Variants in ABCC11 observed in about 807,000 individuals in gnomAD.
The protein encoded by ABCC11 is ATP binding cassette subfamily C member 11.
A neutral mutation model predicts 149.3 loss-of-function variants in ABCC11; 135 were observed. The ratio of observed to expected loss-of-function variants is 0.90; its 90% CI spans 0.79 to 1.04. The LOEUF is 1.04. Ranked by LOEUF, ABCC11 falls within the 50% of genes least tolerant of loss-of-function variation. The pLI is 0.00. For synonymous variants in ABCC11, 665 were observed against 671.4 expected, an observed-to-expected ratio of 0.99 and a Z score of 0.15; for missense variants, 1,680 against 1,722.1, an observed-to-expected ratio of 0.98 and a Z score of 0.43.
intron 11 of ABCC11, chr16:48,209,845 T>A (rs1968768144): frequency 1.3e-5 from 2 of 152,168 alleles, no homozygotes; most frequent in Admixed American, 6.5e-5. Context: ...AAATAAAAAA[T>A]ATATATTAAT....
intron 28 of ABCC11, 25 bp from the exon 29 acceptor site, chr16:48,167,685 A>G (rs775365364): frequency 6.2e-7 from 1 of 1,613,216 alleles, no homozygotes; most frequent in East Asian, 2.2e-5. Flanking sequence ...ACAGGGGTGA[A>G]GGTGTCTACT....
chr16:48,228,633 A>G (rs1468138738), intron 3 of ABCC11, among the ~76,000 whole-genome samples: 3 of 152,114 alleles, frequency 2.0e-5, no homozygotes, highest in Admixed American at 2.0e-4. Context: ...TTTCACTTAT[A>G]TAAAAAAGGA....
At position 48,175,161 on chromosome 16, in the gene ABCC11, C is replaced by G. The variant is rs1157960853; in HGVS notation, c.3698+97G>C. 2.1e-6 allele frequency: 3 copies of G among 1,455,288 alleles called. No homozygotes were observed. In the South Asian group the frequency reaches 4.3e-5, roughly 21 times the overall value. 90.1% of individuals were successfully genotyped at this position (1,455,288 alleles called of 1,614,324 possible). On this transcript the variant is annotated intron_variant, in intron 26 of 29. Coordinates refer to ENST00000356608, the MANE Select transcript of ABCC11 (RefSeq NM_001370497.1). ...CAGCAGGCCAAGGAGGCCTGGAAATCGGGGCATTGGTCACCAGCTCACTAT... is the reference window on the plus strand; with the variant it reads ...CAGCAGGCCAAGGAGGCCTGGAAATGGGGGCATTGGTCACCAGCTCACTAT...
chr16:48,233,500 G>C (rs1004189848), intron 1 of ABCC11, among the ~76,000 whole-genome samples: 4 of 152,192 alleles, frequency 2.6e-5, no homozygotes, highest in Non-Finnish European at 4.4e-5. Flanking sequence ...AGAAGGAGGT[G>C]TATTAGATAA....
chr16:48,227,330 C>T (rs113855339), intron 4 of ABCC11, among the ~76,000 whole-genome samples: 20,020 of 151,674 alleles, frequency 0.13, 1,661 homozygotes, highest in African/African-American at 0.24. Context: ...AAAAATTAGC[C>T]GGACGTGGTG....
chr16:48,208,967 C>T (rs1167122939), intron 11 of ABCC11, among the ~76,000 whole-genome samples: 1 of 152,088 alleles, frequency 6.6e-6, no homozygotes, highest in Non-Finnish European at 1.5e-5. Context: ...AAGAAAAGAC[C>T]TCACATTGAG....
intron 14 of ABCC11, among the ~76,000 whole-genome samples, chr16:48,202,416 G>A (rs187997190): frequency 6.6e-6 from 1 of 152,216 alleles, no homozygotes; most frequent in East Asian, 1.9e-4. Flanking sequence ...TTTGAGACTA[G>A]CTTGGCTAAC....
At chr16:48,243,102 TAA>T (rs56708623) in intron 1 of ABCC11, among the ~76,000 whole-genome samples, 3 of 142,984 alleles carry the variant, frequency 2.1e-5, no homozygotes, top group African/African-American at 2.5e-5. Flanking sequence ...ATCAAGGTTG[TAA>T]AAAAAAAAAA....
chr16:48,175,043 A>G (rs1455515283), intron 26 of ABCC11, among the ~76,000 whole-genome samples: 1 of 152,238 alleles, frequency 6.6e-6, no homozygotes, highest in African/African-American at 2.4e-5. Context: ...TGCGTATAAC[A>G]TTACGGTTTA....
At chr16:48,165,708 A>C (rs1965309859), downstream of ABCC11, 2 of 152,210 alleles carry the variant, frequency 1.3e-5, no homozygotes, top group Non-Finnish European at 2.9e-5. Context: ...CGAGATTCCA[A>C]ATTCCCTGAG....
intron 17 of ABCC11, among the ~76,000 whole-genome samples, chr16:48,196,951 C>T (rs994689653): frequency 2.5e-4 from 38 of 150,728 alleles, no homozygotes; most frequent in Admixed American, 2.1e-3. Context: ...TCCTGGGGAA[C>T]GGTGCTCTTT....
At chr16:48,165,250 G>A (rs1223386137), downstream of ABCC11, 2 of 152,302 alleles carry the variant, frequency 1.3e-5, no homozygotes, top group African/African-American at 2.4e-5. Flanking sequence ...GGGTTCCCAG[G>A]GACACTTCAG....
intron 9 of ABCC11, among the ~76,000 whole-genome samples, chr16:48,214,532 G>A (rs72802157): frequency 0.046 from 6,986 of 152,202 alleles, 283 homozygotes; most frequent in Admixed American, 0.11. Flanking sequence ...GACTGAAGAC[G>A]CTATACCTTT....
chr16:48,193,510 G>A (rs752639822), intron 19 of ABCC11, among the ~76,000 whole-genome samples: 5 of 152,196 alleles, frequency 3.3e-5, no homozygotes, highest in African/African-American at 7.2e-5. Flanking sequence ...AGTGTGGCCC[G>A]TGGTGGCTCC....
At chr16:48,222,556 G>A (rs779038143) in intron 6 of ABCC11, 42 bp downstream of exon 6, 1 of 1,554,526 alleles carries the variant, frequency 6.4e-7, no homozygotes, top group South Asian at 1.1e-5. Flanking sequence ...CGGAGGAAGG[G>A]TAGGGAAGCA....
rs1161067249 is a variant in ABCC11, at chr16:48,170,233, G to A, written c.3778-15C>T. ...AACTTTGAGATCTGCGATATGGGAA[G>A]AAGAGACAACATAACCTGGAAGCCA... On this transcript the variant is annotated splice_polypyrimidine_tract_variant and intron_variant, in intron 27 of 29. Transcript: ENST00000356608. The A allele has an allele frequency of 1.9e-6, 3 of 1,602,046 alleles. No individual in the cohort carries two copies. The highest frequency in any genetic ancestry group is 1.3e-5 in the African/African-American group (1 of 74,800).
intron 1 of ABCC11, among the ~76,000 whole-genome samples, chr16:48,237,716 T>G (rs1056715878): frequency 6.6e-6 from 1 of 152,198 alleles, no homozygotes; most frequent in Non-Finnish European, 1.5e-5. Context: ...GCCCACCTTA[T>G]TGCAACTGAA....
rs545225150 is a variant in ABCC11 at position 48,213,549 on chromosome 16, G to C, written c.1250C>G (p.Ala417Gly). 12 of 1,607,310 alleles carry C rather than the reference G, an allele frequency of 7.5e-6. No individual in the cohort carries two copies. In the South Asian group the frequency reaches 1.2e-4, roughly 16 times the overall value. ...SLKLKLTASM[A>G]FSMLASLNLL... Reference sequence around the variant, plus strand: ...ATTCAAGGAGGCCAGCATGCTGAAGGCCTGGATAAGAAGGGGAGGAGGTGG... The same window carrying C: ...ATTCAAGGAGGCCAGCATGCTGAAGCCCTGGATAAGAAGGGGAGGAGGTGG... Residue 417 changes from alanine (A) to glycine (G), a missense_variant and splice_region_variant, in exon 10 of 30, where the codon GCC becomes GGC. Coordinates refer to ENST00000356608, the MANE Select transcript of ABCC11 (RefSeq NM_001370497.1).
chr16:48,234,529 C>T (rs908377575), intron 1 of ABCC11, among the ~76,000 whole-genome samples: 1 of 152,138 alleles, frequency 6.6e-6, no homozygotes, highest in Non-Finnish European at 1.5e-5. Flanking sequence ...CTCGTCTTGC[C>T]GGGCACATCA....
Sources: allele counts gnomAD v4.1 joint callset (sites outside exome capture counted in the v4.1 genomes callset), GRCh38; gene constraint gnomAD v4.1.1; transcripts MANE v1.5; gene names NCBI Gene and HGNC (gene_info 2026-07-23, HGNC 2026-07-21).